SMAD3: variants seen among roughly 807,000 people sequenced by gnomAD.
SMAD3 encodes SMAD family member 3.
SMAD3 carries 12 observed loss-of-function variants against 51.8 expected under a neutral mutation model. The ratio of observed to expected loss-of-function variants is 0.23; its 90% confidence interval spans 0.15 to 0.38. The LOEUF is 0.38. SMAD3 is among the 10% of genes least tolerant of loss of function. SMAD3 has a pLI of 1.00. For synonymous variants in SMAD3, 238 were observed against 227.7 expected (o/e 1.05, Z -0.41); for missense variants, 294 against 565.6 (o/e 0.52, Z 4.87).
chr15:67,187,820 C>T (rs985087548), intron 8 of SMAD3, among the ~76,000 whole-genome samples: 3 of 152,174 alleles, frequency 2.0e-5, no homozygotes, highest in Non-Finnish European at 4.4e-5. Flanking sequence ...AACTAAGGCC[C>T]AGGGAGGGAG....
At chr15:67,122,522 C>T (rs1425616258) in intron 1 of SMAD3, among the ~76,000 whole-genome samples, 2 of 152,156 alleles carry the variant, frequency 1.3e-5, no homozygotes, top group Admixed American at 6.5e-5. Flanking sequence ...AAAGAGGTCA[C>T]AGGAAATGAT....
chr15:67,075,235 A>G (rs773044563), intron 1 of SMAD3, among the ~76,000 whole-genome samples: 6 of 152,156 alleles, frequency 3.9e-5, no homozygotes, highest in Non-Finnish European at 7.3e-5. Flanking sequence ...GGTGATGGAA[A>G]TTGGGTTTTT....
intron 1 of SMAD3, among the ~76,000 whole-genome samples, chr15:67,113,255 T>TTTTTGTA (rs527798869): frequency 1.1e-5 from 1 of 87,666 alleles, no homozygotes; most frequent in African/African-American, 4.4e-5. Context: ...CCCGGCCAAT[T>TTTTTGTA]TTTTTTTTGT....
At chr15:67,098,612 A>C in intron 1 of SMAD3, 1 of 490,682 alleles carries the variant, frequency 2.0e-6, no homozygotes, top group South Asian at 2.6e-5. Context: ...AGTACATTTG[A>C]GGCCCAGATC....
At chr15:67,150,997 A>G in intron 1 of SMAD3, among the ~76,000 whole-genome samples, 1 of 150,924 alleles carries the variant, frequency 6.6e-6, no homozygotes, top group East Asian at 2.0e-4. Context: ...CTGGGATTAC[A>G]GGTGCCCACC....
chr15:67,159,927 A>G (rs2140287131), intron 1 of SMAD3, among the ~76,000 whole-genome samples: 1 of 152,342 alleles, frequency 6.6e-6, no homozygotes, highest in East Asian at 1.9e-4. Flanking sequence ...CTGTTAATAC[A>G]TGTGGAGTAG....
At chr15:67,072,485 C>T (rs975499644) in intron 1 of SMAD3, among the ~76,000 whole-genome samples, 2 of 152,176 alleles carry the variant, frequency 1.3e-5, no homozygotes, top group Admixed American at 6.5e-5. Context: ...ATCAATAGTC[C>T]TAATTGACTT....
At chr15:67,179,107 A>G (rs778529725) in intron 5 of SMAD3, among the ~76,000 whole-genome samples, 1 of 152,310 alleles carries the variant, frequency 6.6e-6, no homozygotes, top group East Asian at 1.9e-4. Flanking sequence ...CGCCGAGAGT[A>G]AAGAGGATGA....
intron 8 of SMAD3, among the ~76,000 whole-genome samples, chr15:67,189,843 C>T (rs1479208255): frequency 1.3e-5 from 2 of 151,908 alleles, no homozygotes; most frequent in East Asian, 1.9e-4. Context: ...TTCCATGGCT[C>T]GTTCTGCTTG....
At chr15:67,103,003 T>C (rs1960794686) in intron 1 of SMAD3, among the ~76,000 whole-genome samples, 1 of 152,220 alleles carries the variant, frequency 6.6e-6, no homozygotes, top group Admixed American at 6.5e-5. Context: ...CTTAACTGTC[T>C]ATGAATGGTC....
At chr15:67,076,111 G>T (rs755874352) in intron 1 of SMAD3, among the ~76,000 whole-genome samples, 1 of 152,046 alleles carries the variant, frequency 6.6e-6, no homozygotes, top group Non-Finnish European at 1.5e-5. Context: ...TTCTCCTTTG[G>T]AGAGTCTCAG....
At chr15:67,164,767 A>G in intron 1 of SMAD3, 128 bp from the exon 2 acceptor site, 1 of 993,082 alleles carries the variant, frequency 1.0e-6, no homozygotes, top group Non-Finnish European at 1.6e-6. Flanking sequence ...GATCTCCTGG[A>G]CCTCTGGATC....
At chr15:67,156,541 C>G (rs1403437106) in intron 1 of SMAD3, among the ~76,000 whole-genome samples, 1 of 152,342 alleles carries the variant, frequency 6.6e-6, no homozygotes, top group East Asian at 1.9e-4. Context: ...TGGGTAACCT[C>G]TCAGGTGCTC....
chr15:67,183,025 A>T (rs1273390756), intron 6 of SMAD3, among the ~76,000 whole-genome samples: 9 of 69,596 alleles, frequency 1.3e-4, no homozygotes, highest in African/African-American at 4.2e-4. Flanking sequence ...ATATATATAT[A>T]TATATATTTT....
intron 5 of SMAD3, among the ~76,000 whole-genome samples, chr15:67,172,510 C>T (rs147916594): frequency 1.3e-5 from 2 of 152,266 alleles, no homozygotes; most frequent in Non-Finnish European, 2.9e-5. Flanking sequence ...ACCTGGACTC[C>T]CAGTGTCATA....
intron 1 of SMAD3, among the ~76,000 whole-genome samples, chr15:67,074,565 T>A (rs997799705): frequency 2.0e-5 from 3 of 152,254 alleles, no homozygotes; most frequent in African/African-American, 7.2e-5. Flanking sequence ...CCTAAATAGT[T>A]CTTTTTCAGT....
chr15:67,163,944 TAAAAAAAAAAA>T (rs57803788), intron 1 of SMAD3, among the ~76,000 whole-genome samples: 6 of 87,918 alleles, frequency 6.8e-5, no homozygotes, highest in East Asian at 3.9e-4. Context: ...GTATCAAAAG[TAAAAAAAAAAA>T]AAAAAAAAAA....
rs116136778 is a variant in SMAD3 at position 67,076,447 on chromosome 15, T to C, written c.206+10087T>C. 4.7e-3 allele frequency among the ~76,000 whole-genome samples: 712 copies of C among 152,328 alleles called. 7 individuals carry two copies. Among genetic ancestry groups the C allele is most frequent in the African/African-American group, 0.016 (673 of 41,572 alleles). ...AGTGCATGATGTTTATTGTTGCTGG[T>C]GTTTTTTTGAGGCCCAAGTTGGAAT... On this transcript the variant is annotated intron_variant, in intron 1 of 8. Coordinates refer to ENST00000327367, the MANE Select transcript of SMAD3 (RefSeq NM_005902.4).
intron 1 of SMAD3, among the ~76,000 whole-genome samples, chr15:67,134,891 A>G (rs1961618248): frequency 1.3e-5 from 2 of 152,166 alleles, no homozygotes; most frequent in Admixed American, 1.3e-4. Flanking sequence ...TTCTGCAGAC[A>G]AGGAATCTGA....
Sources: gnomAD v4.1 joint callset for allele counts (sites outside exome capture counted in the v4.1 genomes callset) on GRCh38, gnomAD v4.1.1 for gene constraint, MANE v1.5 for transcripts, NCBI Gene and HGNC (gene_info 2026-07-23, HGNC 2026-07-21) for gene names.